SCAPER: variants seen among roughly 807,000 people sequenced by gnomAD.
SCAPER encodes the protein S-phase cyclin A associated protein in the ER.
A neutral mutation model predicts 182.2 loss-of-function variants in SCAPER; 98 were observed. That is an observed-to-expected ratio of 0.54 (90% CI 0.46 to 0.64). The LOEUF is 0.64. Among genes scored for constraint, SCAPER ranks in the 30% least tolerant of loss-of-function variants. The pLI is 0.00. For missense variants in SCAPER, 1,432 were observed against 1,690.0 expected (o/e 0.85, Z 2.68); for synonymous variants, 605 against 564.6 (o/e 1.07, Z -1.01).
At chr15:76,822,148 A>G (rs769331487) in intron 5 of SCAPER, among the ~76,000 whole-genome samples, 1 of 152,226 alleles carries the variant, frequency 6.6e-6, no homozygotes, top group Non-Finnish European at 1.5e-5. Context: ...CATAAATGTA[A>G]ACTATGGACT....
chr15:76,753,785 C>T, intron 15 of SCAPER, 23 bp downstream of exon 15: 1 of 1,597,284 alleles, frequency 6.3e-7, no homozygotes, highest in Non-Finnish European at 8.5e-7. Context: ...ATTAAGTCAA[C>T]ATTTAAAGCT....
intron 21 of SCAPER, among the ~76,000 whole-genome samples, chr15:76,623,072 T>C (rs1449353471): frequency 6.6e-6 from 1 of 152,232 alleles, no homozygotes; most frequent in Non-Finnish European, 1.5e-5. Context: ...TCTGTTCATG[T>C]CCTTTGCCCA....
chr15:76,549,939 A>G (rs1481924703), intron 23 of SCAPER, among the ~76,000 whole-genome samples: 1 of 152,184 alleles, frequency 6.6e-6, no homozygotes, highest in Non-Finnish European at 1.5e-5. Context: ...CACAAGTAAC[A>G]AAAGCAAAAT....
intron 26 of SCAPER, among the ~76,000 whole-genome samples, chr15:76,418,397 T>C (rs2045803317): frequency 6.6e-6 from 1 of 152,154 alleles, no homozygotes; most frequent in Admixed American, 6.5e-5. Flanking sequence ...CAGGAGAATC[T>C]CCCAGTACTC....
chr15:76,491,685 G>A (rs965823747), intron 24 of SCAPER, among the ~76,000 whole-genome samples: 1 of 152,134 alleles, frequency 6.6e-6, no homozygotes, highest in African/African-American at 2.4e-5. Flanking sequence ...AGGCTGGAGT[G>A]CAGTGGTGTG....
chr15:76,507,317 C>A (rs993431837), intron 23 of SCAPER, among the ~76,000 whole-genome samples: 5 of 152,084 alleles, frequency 3.3e-5, no homozygotes, highest in Admixed American at 3.3e-4. Flanking sequence ...TCAGGAGAAA[C>A]CAAACCTGTT....
intron 22 of SCAPER, among the ~76,000 whole-genome samples, chr15:76,608,255 G>A (rs1304173316): frequency 6.6e-6 from 1 of 152,326 alleles, no homozygotes; most frequent in South Asian, 2.1e-4. Context: ...CTCAGCTGCA[G>A]GTCTGTTAGA....
intron 22 of SCAPER, among the ~76,000 whole-genome samples, chr15:76,593,835 G>C (rs2049304021): frequency 8.3e-6 from 1 of 121,182 alleles, no homozygotes; most frequent in African/African-American, 2.5e-5. Context: ...CAACATCAAA[G>C]ACCAAAGGTA....
intron 5 of SCAPER, among the ~76,000 whole-genome samples, chr15:76,831,876 T>A (rs565623513): frequency 6.6e-6 from 1 of 152,242 alleles, no homozygotes; most frequent in East Asian, 1.9e-4. Context: ...AGTGCTGTGC[T>A]GAGGCTTGGT....
chr15:76,733,333 C>G lies in SCAPER; in HGVS notation c.1918G>C (p.Asp640His). The G allele has an allele frequency of 6.2e-7, 1 of 1,613,620 alleles. No individual in the cohort carries two copies. Among genetic ancestry groups the G allele is most frequent in the Non-Finnish European group, 8.5e-7 (1 of 1,179,726 alleles). Reference sequence around the variant, plus strand: ...TATTCCTTCAATTTTGATAAAACATCATGACGTTTATTCTGGGCTTCAAGG... The same window carrying G: ...TATTCCTTCAATTTTGATAAAACATGATGACGTTTATTCTGGGCTTCAAGG... ...NTLEAQNKRH[D>H]VLSKLKEYEQ... The change falls in exon 16 of 32, where the codon GAT (aspartate) becomes CAT (histidine). Residue 640 changes from aspartate (D) to histidine (H), a missense_variant. Physicochemically the swap from Asp to His is moderately conservative, Grantham distance 81. Around this residue, in one of 5 missense-constraint regions of SCAPER, gnomAD observed 88 missense variants for 184.2 expected, o/e 0.48. Transcript: ENST00000563290.
chr15:76,475,930 T>C (rs2050591538), intron 24 of SCAPER, among the ~76,000 whole-genome samples: 1 of 152,192 alleles, frequency 6.6e-6, no homozygotes, highest in South Asian at 2.1e-4. Context: ...GAAAAGCTTC[T>C]CCCTATTACT....
chr15:76,349,017 C>T (rs2040357167), intron 31 of SCAPER: 1 of 207,010 alleles, frequency 4.8e-6, no homozygotes, highest in African/African-American at 2.3e-5. Context: ...TTGGACTCCA[C>T]AATGAGAAAA....
At chr15:76,462,558 A>T (rs532728397) in intron 25 of SCAPER, among the ~76,000 whole-genome samples, 1 of 152,268 alleles carries the variant, frequency 6.6e-6, no homozygotes, top group East Asian at 1.9e-4. Flanking sequence ...GAAACCTTTT[A>T]CACCTTTAAT....
At chr15:76,782,816 A>G (rs1598707840) in intron 8 of SCAPER, among the ~76,000 whole-genome samples, 1 of 152,278 alleles carries the variant, frequency 6.6e-6, no homozygotes, top group East Asian at 1.9e-4. Flanking sequence ...AGAAATAAAG[A>G]TGTTCTTTGA....
chr15:76,862,538 G>A lies in SCAPER; in HGVS notation c.7-5C>T. 1.9e-6 allele frequency: 3 copies of A among 1,551,314 alleles called. No homozygotes were observed. Among genetic ancestry groups the A allele is most frequent in the Middle Eastern group, 1.7e-4 (1 of 5,932 alleles). ...ATTGGAGCGCTGGAATGAAGCCTAT[G>A]TATGGAAAAGATGGTACTTATTAGA... On this transcript the variant is annotated splice_polypyrimidine_tract_variant and splice_region_variant and intron_variant, in intron 2 of 31. Transcript: ENST00000563290.
At chr15:76,902,749 C>T (rs1184844493) in intron 1 of SCAPER, among the ~76,000 whole-genome samples, 2 of 152,066 alleles carry the variant, frequency 1.3e-5, no homozygotes, top group Non-Finnish European at 2.9e-5. Context: ...CTAGTCTGGG[C>T]TGTGGTCAGG....
chr15:76,457,066 CTTTT>C (rs556374437), intron 25 of SCAPER, among the ~76,000 whole-genome samples: 1 of 142,042 alleles, frequency 7.0e-6, no homozygotes. Flanking sequence ...GCTTTACACA[CTTTT>C]TTTTTTTTTT....
intron 21 of SCAPER, among the ~76,000 whole-genome samples, chr15:76,633,217 G>A (rs991918102): frequency 2.6e-5 from 4 of 152,140 alleles, no homozygotes; most frequent in Non-Finnish European, 5.9e-5. Context: ...TACTCCAGAC[G>A]CTATTTCCCT....
At chr15:76,569,875 A>G (rs1227644839) in intron 23 of SCAPER, among the ~76,000 whole-genome samples, 1 of 152,000 alleles carries the variant, frequency 6.6e-6, no homozygotes, top group Non-Finnish European at 1.5e-5. Flanking sequence ...CAAATGTGCT[A>G]TATATCTTTA....
Sources: gnomAD v4.1 joint callset for allele counts (sites outside exome capture counted in the v4.1 genomes callset) on GRCh38, gnomAD v4.1.1 for gene constraint, gnomAD v4.1.1 regional missense constraint, MANE v1.5 for transcripts, NCBI Gene and HGNC (gene_info 2026-07-23, HGNC 2026-07-21) for gene names.